SND1: variants seen among roughly 807,000 people sequenced by gnomAD.
The protein encoded by SND1 is staphylococcal nuclease domain-containing protein 1.
Under a neutral mutation model 121.7 loss-of-function variants are expected in SND1, and 38 were observed. That is an observed-to-expected ratio of 0.31 (90% CI 0.24 to 0.41). The LOEUF (loss-of-function observed/expected upper bound fraction) is 0.41. Among genes scored for constraint, SND1 ranks in the 10% least tolerant of loss-of-function variants. The pLI is 1.00. For synonymous variants in SND1, 401 were observed against 447.4 expected (o/e 0.90, Z 1.31); for missense variants, 868 against 1,184.6 (o/e 0.73, Z 3.92).
chr7:127,991,040 T>A lies in SND1; in HGVS notation c.1763T>A (p.Leu588Gln), dbSNP rs764036647. ...GAAGCTACACTTTTCACCAAGGAAC[T>A]GGTGCTGCAGCGAGAGGTAGGACAT... ...SEEATLFTKE[L>Q]VLQREVEVEV... Residue 588 changes from leucine (L) to glutamine (Q), a missense_variant, in exon 16 of 24, where the codon CTG becomes CAG. Around this residue, in one of 2 missense-constraint regions of SND1, gnomAD observed 743 missense variants for 1,071.3 expected, o/e 0.69. Coordinates refer to ENST00000354725, the MANE Select transcript of SND1 (RefSeq NM_014390.4). 6.2e-7 allele frequency: 1 copy of A among 1,613,628 alleles called. No individual in the cohort carries two copies. Among genetic ancestry groups the A allele is most frequent in the Non-Finnish European group, 8.5e-7 (1 of 1,179,654 alleles).
At chr7:127,991,901 A>G (rs895337413) in intron 16 of SND1, among the ~76,000 whole-genome samples, 1 of 152,200 alleles carries the variant, frequency 6.6e-6, no homozygotes, top group African/African-American at 2.4e-5. Context: ...AGCTGATTTG[A>G]ATTGCTAAGA....
intron 13 of SND1, among the ~76,000 whole-genome samples, chr7:127,901,950 GT>G (rs1800239971): frequency 6.6e-6 from 1 of 152,124 alleles, no homozygotes; most frequent in African/African-American, 2.4e-5. Flanking sequence ...TGCTGTTATT[GT>G]TTTAAATGTC....
chr7:127,714,985 CCT>C (rs1345819444), intron 9 of SND1, among the ~76,000 whole-genome samples: 1 of 151,978 alleles, frequency 6.6e-6, no homozygotes, highest in African/African-American at 2.4e-5. Flanking sequence ...TCTTTGAGAC[CCT>C]GTTTTCAATT....
chr7:128,024,489 G>A (rs1239967757), intron 16 of SND1, among the ~76,000 whole-genome samples: 1 of 152,214 alleles, frequency 6.6e-6, no homozygotes, highest in Admixed American at 6.5e-5. Context: ...AGCCTGGGTT[G>A]AGTAAGGCCC....
chr7:128,064,021 G>C (rs566540622), intron 16 of SND1, among the ~76,000 whole-genome samples: 6 of 152,324 alleles, frequency 3.9e-5, no homozygotes, highest in African/African-American at 1.4e-4. Context: ...TCAGCAGAAG[G>C]GTGAAGTGAT....
intron 16 of SND1, among the ~76,000 whole-genome samples, chr7:128,018,026 C>T (rs546808499): frequency 1.3e-5 from 2 of 152,324 alleles, no homozygotes; most frequent in African/African-American, 4.8e-5. Flanking sequence ...GAGTATCACC[C>T]GGGAGACCCC....
At chr7:127,747,553 T>G (rs1797002754) in intron 10 of SND1, among the ~76,000 whole-genome samples, 1 of 152,218 alleles carries the variant, frequency 6.6e-6, no homozygotes, top group Admixed American at 6.5e-5. Context: ...TCCAAAAACT[T>G]CATGTCCAGC....
intron 16 of SND1, among the ~76,000 whole-genome samples, chr7:128,058,463 G>A (rs1270647827): frequency 6.6e-6 from 1 of 152,244 alleles, no homozygotes; most frequent in Non-Finnish European, 1.5e-5. Context: ...AACTCAGATA[G>A]TCTGGCTGCA....
chr7:128,005,968 G>A (rs1017345188), intron 16 of SND1, among the ~76,000 whole-genome samples: 2 of 152,148 alleles, frequency 1.3e-5, no homozygotes, highest in Non-Finnish European at 2.9e-5. Context: ...TGAGTGTGCT[G>A]AGTGAAAAGT....
intron 12 of SND1, among the ~76,000 whole-genome samples, chr7:127,847,173 G>A (rs901141674): frequency 3.3e-5 from 5 of 152,166 alleles, no homozygotes; most frequent in African/African-American, 1.2e-4. Context: ...TTGGGAGGCT[G>A]AGGCATGAGA....
At chr7:127,707,513 A>G (rs1487951542) in intron 8 of SND1, 44 bp from the exon 9 acceptor site, 1 of 1,544,178 alleles carries the variant, frequency 6.5e-7, no homozygotes, top group South Asian at 1.1e-5. Context: ...GGTGGATTCC[A>G]TTTGCTGAGT....
rs939832722 is a variant in SND1 at position 128,035,255 on chromosome 7, C to T, written c.1780-39247C>T. On this transcript the variant is annotated intron_variant, in intron 16 of 23. Transcript: ENST00000354725. ...AAATGGATTAGAAAGTTTCTTACCG[C>T]TCTCTTAGTCCATGATTCCTGTCCC... is the stretch of plus-strand genomic sequence containing the variant. Among the ~76,000 whole-genome samples, 14 of 152,294 alleles carry T rather than the reference C, an allele frequency of 9.2e-5. No homozygotes were observed. The South Asian group carries it at 1.0e-3, about 11-fold the overall frequency.
At position 127,657,409 on chromosome 7, in the gene SND1, AAACT is replaced by A. The variant is rs376930587; in HGVS notation, c.78+4962_78+4965del. ...TGTGCTGAGATCTGATGGACATCAA[AAACT>A]AACCATAAAGGAAGGGCGTTCCTGG... On this transcript the variant is annotated intron_variant, in intron 1 of 23. Transcript: ENST00000354725. Among the ~76,000 whole-genome samples the A allele has an allele frequency of 9.4e-4, 143 of 152,362 alleles. 1 individual carries two copies. The highest frequency in any genetic ancestry group is 3.4e-3 in the Middle Eastern group (1 of 294).
intron 15 of SND1, among the ~76,000 whole-genome samples, chr7:127,976,065 C>G (rs1325011406): frequency 3.3e-5 from 5 of 152,222 alleles, no homozygotes; most frequent in Non-Finnish European, 5.9e-5. Context: ...ATTCCCCACC[C>G]TATTTCCTTG....
chr7:128,085,858 A>G lies in SND1; in HGVS notation c.2304+78A>G, dbSNP rs1235783864. 4 of 1,239,876 alleles carry G rather than the reference A, an allele frequency of 3.2e-6. No individual in the cohort carries two copies. Among genetic ancestry groups the G allele is most frequent in the Admixed American group, 3.4e-5 (2 of 58,868 alleles). The allele number at this position is 1,239,876 out of a possible 1,614,324, so 76.8% of individuals were successfully genotyped here. A position where few individuals can be genotyped will look rare whatever the true frequency, so the allele number is the denominator to read the frequency against. ...GAGTCAAATCCATCTGATCTCTCCA[A>G]GGTCCCTCTGAGCTTACCAATAGAA... On this transcript the variant is annotated intron_variant, in intron 20 of 23. Transcript: ENST00000354725. The surrounding 1 kb of genome is among the most constrained non-coding windows in gnomAD (Gnocchi z 4.4).
At chr7:128,045,766 T>C (rs182824628) in intron 16 of SND1, among the ~76,000 whole-genome samples, 498 of 152,300 alleles carry the variant, frequency 3.3e-3, no homozygotes, top group Non-Finnish European at 5.4e-3. Flanking sequence ...GTTTTTTCCC[T>C]CTTTCTATGC....
chr7:127,707,175 T>C (rs577600179), intron 8 of SND1, among the ~76,000 whole-genome samples: 2 of 152,230 alleles, frequency 1.3e-5, no homozygotes, highest in Non-Finnish European at 2.9e-5. Flanking sequence ...GGTAACCTTT[T>C]TGTAATTCAG....
At chr7:127,808,373 C>A (rs1798277326) in intron 11 of SND1, among the ~76,000 whole-genome samples, 2 of 152,036 alleles carry the variant, frequency 1.3e-5, no homozygotes, top group Admixed American at 6.6e-5. Context: ...CCATGGTGGC[C>A]AGGCTGGTCT....
chr7:128,023,734 T>C, intron 16 of SND1, among the ~76,000 whole-genome samples: 1 of 152,168 alleles, frequency 6.6e-6, no homozygotes, highest in South Asian at 2.1e-4. Flanking sequence ...ACATATACAA[T>C]GTTCAAGAAT....
Sources: allele counts gnomAD v4.1 joint callset (sites outside exome capture counted in the v4.1 genomes callset), GRCh38; gene constraint gnomAD v4.1.1; regional missense constraint gnomAD v4.1.1; non-coding constraint Gnocchi (gnomAD v3.1); transcripts MANE v1.5; gene names NCBI Gene and HGNC (gene_info 2026-07-23, HGNC 2026-07-21).